Variants in NAPA observed in about 807,000 individuals in gnomAD.
NAPA encodes alpha-soluble NSF attachment protein.
In NAPA, 18 loss-of-function variants were observed where a neutral mutation model predicts 48.0. That is an observed-to-expected ratio of 0.38 (90% CI 0.26 to 0.56). The LOEUF (loss-of-function observed/expected upper bound fraction) is 0.56, where lower values mean the gene tolerates loss of function less well. Among genes scored for constraint, NAPA ranks in the 20% least tolerant of loss-of-function variants. The pLI is 0.77. For synonymous variants in NAPA, 152 were observed against 149.9 expected (o/e 1.01, Z -0.10); for missense variants, 315 against 385.0 (o/e 0.82, Z 1.52).
intron 3 of NAPA, among the ~76,000 whole-genome samples, chr19:47,498,889 C>T (rs1282423347): frequency 1.3e-5 from 2 of 152,214 alleles, no homozygotes; most frequent in Admixed American, 6.5e-5. Context: ...GCTCTGGACA[C>T]GGCACCTGCT....
intron 1 of NAPA, among the ~76,000 whole-genome samples, chr19:47,504,367 C>A (rs1968648790): frequency 7.1e-6 from 1 of 140,692 alleles, no homozygotes; most frequent in African/African-American, 2.6e-5. Flanking sequence ...TGAACTCCAG[C>A]CTGGACGACG....
Position 47,492,074 on chromosome 19 carries a change from T to C in NAPA, c.607A>G (p.Lys203Glu), listed in dbSNP as rs1339450237. 2.5e-6 allele frequency: 4 copies of C among 1,613,978 alleles called. No individual in the cohort carries two copies. The highest frequency in any genetic ancestry group is 3.4e-6 in the Non-Finnish European group (4 of 1,179,994). Residue 203 changes from lysine (K) to glutamate (E), a missense_variant, in exon 8 of 11, where the codon AAA becomes GAA. Physicochemically the swap from Lys to Glu is moderately conservative, Grantham distance 56. This residue lies in a region of NAPA where 137 missense variants were observed against 150.1 expected (regional missense o/e 0.91). Transcript: ENST00000263354. ...AGGGCCGCCTTGAAGAAGTAGTCTT[T>C]GGCGCTGTACTTGAGGAGGGGGCTG... ...MDSPLLKYSA[K>E]DYFFKAALCH...
intron 1 of NAPA, among the ~76,000 whole-genome samples, chr19:47,513,554 C>G (rs1968844767): frequency 6.6e-6 from 1 of 152,186 alleles, no homozygotes; most frequent in Non-Finnish European, 1.5e-5. Context: ...TACAATTTAT[C>G]ACAGGATGGT....
rs947880352 is a variant in NAPA at position 47,497,107 on chromosome 19, C to T, written c.296-1511G>A. The T allele has an allele frequency of 4.8e-5, 13 of 269,300 alleles. No homozygotes were observed. In the Middle Eastern group the frequency reaches 4.1e-3, roughly 85 times the overall value. 16.7% of individuals were successfully genotyped at this position (269,300 alleles called of 1,614,324 possible). ...CAGAAGCAACGGCTAAGCCGGGCCA[C>T]GCTGCAGAGGAGAGCAGCAGCTGGA... On this transcript the variant is annotated intron_variant, in intron 3 of 10. Coordinates refer to ENST00000263354, the MANE Select transcript of NAPA (RefSeq NM_003827.4).
At position 47,503,596 on chromosome 19, in the gene NAPA, C is replaced by T. The variant is rs901272488; in HGVS notation, c.99-94G>A. ...TCCAGTGCCGGGCACAGACGTGCCC[C>T]TACCCCTCACCCTTCACCTGTGAAG... On this transcript the variant is annotated intron_variant, in intron 1 of 10. Transcript: ENST00000263354. 3.4e-6 allele frequency: 4 copies of T among 1,164,170 alleles called. No individual in the cohort carries two copies. In the African/African-American group the frequency reaches 6.0e-5, roughly 18 times the overall value. The allele number at this position is 1,164,170 out of a possible 1,614,324, so 72.1% of individuals were successfully genotyped here.
chr19:47,489,477 C>T (rs1968180625), intron 10 of NAPA: 6 of 583,178 alleles, frequency 1.0e-5, no homozygotes, highest in South Asian at 6.3e-5. Context: ...GGGCCAAGGC[C>T]GAGCCTCCTG....
At chr19:47,497,893 G>A (rs143137635) in intron 3 of NAPA, among the ~76,000 whole-genome samples, 2 of 152,302 alleles carry the variant, frequency 1.3e-5, no homozygotes, top group Admixed American at 1.3e-4. Context: ...GGGCCAGGTC[G>A]CTTCTCTGCC....
At chr19:47,507,455 C>T (rs949869464) in intron 1 of NAPA, among the ~76,000 whole-genome samples, 5 of 152,176 alleles carry the variant, frequency 3.3e-5, no homozygotes, top group Admixed American at 2.0e-4. Context: ...GCCCTGAGAC[C>T]CACCACCTGC....
intron 8 of NAPA, 77 bp downstream of exon 8, chr19:47,491,938 G>T: frequency 7.6e-7 from 1 of 1,322,870 alleles, no homozygotes. Context: ...GTCCCTCTTC[G>T]GGGGCAACGG....
Position 47,515,036 on chromosome 19 carries a change from C to T in NAPA, c.-96G>A. On this transcript the variant is annotated 5_prime_UTR_variant, in exon 1 of 11. Transcript: ENST00000263354. ...GGAACACAGATCGGTAAAACTCGCC[C>T]GGCTGCGTTGACGTCGCACCGGCGC... The T allele has an allele frequency of 2.3e-6, 3 of 1,289,352 alleles. No individual in the cohort carries two copies. The highest frequency in any genetic ancestry group is 1.5e-5 in the African/African-American group (1 of 66,730). 79.9% of individuals were successfully genotyped at this position (1,289,352 alleles called of 1,614,324 possible).
chr19:47,492,845 G>A, intron 7 of NAPA, 116 bp downstream of exon 7: 6 of 947,192 alleles, frequency 6.3e-6, no homozygotes, highest in South Asian at 1.3e-5. Context: ...TGTCGGGGGA[G>A]AGGCAGAGGG....
At chr19:47,499,771 C>T (rs1968526079) in intron 3 of NAPA, among the ~76,000 whole-genome samples, 1 of 152,248 alleles carries the variant, frequency 6.6e-6, no homozygotes, top group Non-Finnish European at 1.5e-5. Flanking sequence ...GCTCACTGAT[C>T]CATGGAGGAA....
chr19:47,499,054 C>T (rs997751942), intron 3 of NAPA, among the ~76,000 whole-genome samples: 6 of 152,222 alleles, frequency 3.9e-5, no homozygotes, highest in East Asian at 1.9e-4. Context: ...TCCTACCGGT[C>T]GGAGTCCTCA....
chr19:47,507,335 C>T (rs1473247578), intron 1 of NAPA, among the ~76,000 whole-genome samples: 1 of 152,222 alleles, frequency 6.6e-6, no homozygotes, highest in Admixed American at 6.5e-5. Flanking sequence ...GCCAGGAATA[C>T]ACAGATGCCT....
At chr19:47,510,600 G>A (rs545540492) in intron 1 of NAPA, among the ~76,000 whole-genome samples, 2 of 152,320 alleles carry the variant, frequency 1.3e-5, no homozygotes, top group South Asian at 2.1e-4. Flanking sequence ...CAAGAGGAAG[G>A]AAGTTTTTAT....
intron 1 of NAPA, among the ~76,000 whole-genome samples, chr19:47,513,842 CTTTCTTTT>C (rs2122788336): frequency 7.2e-6 from 1 of 139,268 alleles, no homozygotes; most frequent in African/African-American, 2.8e-5. Flanking sequence ...TTCTTTCTTT[CTTTCTTTT>C]TTTTTTTTTT....
intron 2 of NAPA, 49 bp downstream of exon 2, chr19:47,503,374 T>G: frequency 6.5e-7 from 1 of 1,545,280 alleles, no homozygotes; most frequent in Middle Eastern, 1.7e-4. Context: ...GAGTGGAAGC[T>G]GAGGGAGGAG....
intron 10 of NAPA, 173 bp downstream of exon 10, chr19:47,489,538 G>C (rs1968182147): frequency 1.4e-6 from 1 of 711,280 alleles, no homozygotes; most frequent in Admixed American, 2.6e-5. Flanking sequence ...AACACTCCCT[G>C]CGCCTCTTGG....
chr19:47,505,627 C>G (rs1249143509), intron 1 of NAPA: 1 of 152,194 alleles, frequency 6.6e-6, no homozygotes, highest in African/African-American at 2.4e-5. Context: ...GAAAAATTGA[C>G]TGAGACCGAC....
Sources: allele counts gnomAD v4.1 joint callset (sites outside exome capture counted in the v4.1 genomes callset), GRCh38; gene constraint gnomAD v4.1.1; regional missense constraint gnomAD v4.1.1; transcripts MANE v1.5; gene names NCBI Gene and HGNC (gene_info 2026-07-23, HGNC 2026-07-21).